Variants in MBOAT2 observed in about 807,000 individuals in gnomAD.
The protein encoded by MBOAT2 is membrane-bound glycerophospholipid O-acyltransferase 2.
In MBOAT2, 28 loss-of-function variants were observed where a neutral mutation model predicts 63.4. That is an observed-to-expected ratio of 0.44 (90% CI 0.33 to 0.61). The LOEUF is 0.61. Among genes scored for constraint, MBOAT2 ranks in the 20% least tolerant of loss-of-function variants. The pLI, the probability that MBOAT2 is intolerant of heterozygous loss-of-function variation, is 0.03. For missense variants in MBOAT2, 470 were observed against 605.8 expected, an observed-to-expected ratio of 0.78 and a Z score of 2.35; for synonymous variants, 211 against 215.6, an observed-to-expected ratio of 0.98 and a Z score of 0.19.
intron 1 of MBOAT2, among the ~76,000 whole-genome samples, chr2:8,976,491 T>G (rs552689852): frequency 2.0e-5 from 3 of 152,196 alleles, no homozygotes; most frequent in Non-Finnish European, 4.4e-5. Context: ...AAAAAATAAG[T>G]AAGGCTCAAC....
intron 3 of MBOAT2, among the ~76,000 whole-genome samples, chr2:8,930,343 T>G (rs1336217333): frequency 6.6e-6 from 1 of 152,206 alleles, no homozygotes. Flanking sequence ...TGGTTTTTTG[T>G]CCTTGCGATA....
Position 8,877,190 on chromosome 2 carries a change from T to C in MBOAT2, c.530A>G (p.Tyr177Cys), listed in dbSNP as rs139247880. ...CATGAAGTTACAGTTGTAACTCAAA[T>C]ACTCCAGTAAGCTTGGCATGCGCCT... is the stretch of plus-strand genomic sequence containing the variant. ...AVRRMPSLLE[Y>C]LSYNCNFMGI... Residue 177 changes from tyrosine (Y) to cysteine (C), a missense_variant, in exon 7 of 13, where the codon TAT (tyrosine) becomes TGT (cysteine). By Grantham distance (194) the Tyr-to-Cys change is radical. Transcript: ENST00000305997. 1.2e-6 allele frequency: 2 copies of C among 1,612,958 alleles called. No homozygotes were observed. Among genetic ancestry groups the C allele is most frequent in the African/African-American group, 1.3e-5 (1 of 75,006 alleles).
chr2:8,882,132 T>C (rs1215594351), intron 6 of MBOAT2, among the ~76,000 whole-genome samples: 1 of 152,252 alleles, frequency 6.6e-6, no homozygotes, highest in Non-Finnish European at 1.5e-5. Context: ...GCCCAGTACC[T>C]GCCATCAAGT....
rs1018531705 is a variant in MBOAT2 at position 8,943,063 on chromosome 2, C to A, written c.299+124G>T. 9 of 561,310 alleles carry A rather than the reference C, an allele frequency of 1.6e-5. No individual in the cohort carries two copies. The African/African-American group carries it at 1.7e-4, about 11-fold the overall frequency. The allele number at this position is 561,310 out of a possible 1,614,324, so 34.8% of individuals were successfully genotyped here. ...AATGATTTTATTTTTGTATTTATGACAATTCTTCTTTAAAAAATTATCACA... is the reference window on the plus strand; with the variant it reads ...AATGATTTTATTTTTGTATTTATGAAAATTCTTCTTTAAAAAATTATCACA... On this transcript the variant is annotated intron_variant, in intron 3 of 12. Coordinates refer to ENST00000305997, the MANE Select transcript of MBOAT2 (RefSeq NM_138799.4).
intron 6 of MBOAT2, among the ~76,000 whole-genome samples, chr2:8,878,397 G>A (rs953582583): frequency 1.3e-5 from 2 of 152,218 alleles, no homozygotes; most frequent in African/African-American, 2.4e-5. Context: ...TGCACCTGTG[G>A]ACAGCAGGCA....
At chr2:8,935,303 G>C (rs777312337) in intron 3 of MBOAT2, among the ~76,000 whole-genome samples, 2 of 152,194 alleles carry the variant, frequency 1.3e-5, no homozygotes, top group Non-Finnish European at 2.9e-5. Flanking sequence ...ATGTTAAAAA[G>C]AGTCAAAGGC....
At chr2:8,979,702 T>C (rs1472582670) in intron 1 of MBOAT2, among the ~76,000 whole-genome samples, 2 of 152,150 alleles carry the variant, frequency 1.3e-5, no homozygotes, top group African/African-American at 4.8e-5. Flanking sequence ...AGCATGAGTT[T>C]AACAGCAATT....
At chr2:8,874,086 T>C (rs1361684443) in intron 7 of MBOAT2, among the ~76,000 whole-genome samples, 1 of 152,266 alleles carries the variant, frequency 6.6e-6, no homozygotes, top group African/African-American at 2.4e-5. Flanking sequence ...AAGTGCTCTA[T>C]ACAGTAACCA....
chr2:8,901,086 C>G (rs550457881), intron 4 of MBOAT2, among the ~76,000 whole-genome samples: 1 of 152,134 alleles, frequency 6.6e-6, no homozygotes, highest in Admixed American at 6.6e-5. Context: ...GTCCCTGGAC[C>G]CTGCTGATCG....
At chr2:8,923,367 T>C (rs7602500) in intron 3 of MBOAT2, among the ~76,000 whole-genome samples, 4,063 of 152,198 alleles carry the variant, frequency 0.027, 189 homozygotes, top group African/African-American at 0.092. Context: ...GAGTAGCACT[T>C]TGGCAGATCA....
intron 3 of MBOAT2, among the ~76,000 whole-genome samples, chr2:8,909,844 C>A (rs1476961120): frequency 6.6e-6 from 1 of 152,144 alleles, no homozygotes; most frequent in Non-Finnish European, 1.5e-5. Flanking sequence ...TTCTAAAAAT[C>A]ATGTGGCAGA....
At chr2:8,969,363 T>C (rs1043068594) in intron 1 of MBOAT2, among the ~76,000 whole-genome samples, 11 of 152,132 alleles carry the variant, frequency 7.2e-5, no homozygotes, top group African/African-American at 2.4e-4. Context: ...AAAGAGCTCC[T>C]GAAGGAAGCA....
chr2:8,900,589 G>T (rs1156428720), intron 4 of MBOAT2, among the ~76,000 whole-genome samples: 4 of 152,084 alleles, frequency 2.6e-5, no homozygotes, highest in Admixed American at 2.6e-4. Context: ...GTGGTACTTT[G>T]GAGATTTCTT....
chr2:8,954,446 G>A (rs1474491001), intron 2 of MBOAT2, among the ~76,000 whole-genome samples: 1 of 152,124 alleles, frequency 6.6e-6, no homozygotes, highest in Non-Finnish European at 1.5e-5. Context: ...TTGGCCTACA[G>A]ATCCCCCAGT....
intron 3 of MBOAT2, among the ~76,000 whole-genome samples, chr2:8,932,391 T>C (rs1192090536): frequency 6.6e-6 from 1 of 152,160 alleles, no homozygotes; most frequent in Non-Finnish European, 1.5e-5. Context: ...CTCCCAATAC[T>C]ACATCCTGAT....
intron 3 of MBOAT2, among the ~76,000 whole-genome samples, chr2:8,916,015 G>A (rs1666146764): frequency 6.6e-6 from 1 of 152,186 alleles, no homozygotes; most frequent in Admixed American, 6.5e-5. Context: ...GATGAAGCAT[G>A]ACACAGAGCT....
chr2:8,996,609 C>T (rs1222260956), intron 1 of MBOAT2, among the ~76,000 whole-genome samples: 1 of 152,168 alleles, frequency 6.6e-6, no homozygotes, highest in Non-Finnish European at 1.5e-5. Flanking sequence ...CAACTGGAGG[C>T]CATAGCTCTT....
At chr2:8,908,520 A>G (rs1204459040) in intron 4 of MBOAT2, 101 bp downstream of exon 4, 1 of 634,728 alleles carries the variant, frequency 1.6e-6, no homozygotes, top group African/African-American at 1.9e-5. Context: ...ATGTTTAATA[A>G]TAGCTTTTCA....
rs75305828 is a variant in MBOAT2, at chr2:8,975,797, CAAAAAAA to C, written c.76-17162_76-17156del. Among the ~76,000 whole-genome samples the C allele has an allele frequency of 1.2e-3, 71 of 60,706 alleles. 1 individual carries two copies. Among genetic ancestry groups the C allele is most frequent in the African/African-American group, 3.0e-3 (66 of 21,810 alleles). The allele number at this position is 60,706 out of a possible 152,430, so 39.8% of individuals were successfully genotyped here. On this transcript the variant is annotated intron_variant, in intron 1 of 12. Transcript: ENST00000305997. ...AAAGAGGACAATTAAATGAACAATA[CAAAAAAA>C]AAAAAAAAAACGATGGCCACTAAGT... is the stretch of plus-strand genomic sequence containing the variant.
Sources: gnomAD v4.1 joint callset for allele counts (sites outside exome capture counted in the v4.1 genomes callset) on GRCh38, gnomAD v4.1.1 for gene constraint, MANE v1.5 for transcripts, NCBI Gene and HGNC (gene_info 2026-07-23, HGNC 2026-07-21) for gene names.